BRPF3: variants seen among roughly 807,000 people sequenced by gnomAD.
The protein encoded by BRPF3 is bromodomain and PHD finger-containing protein 3.
In BRPF3, 18 loss-of-function variants were observed where a neutral mutation model predicts 102.0. The observed-to-expected ratio is 0.18, with a 90% CI of 0.12 to 0.26. The LOEUF is 0.26. BRPF3 is among the 10% of genes least tolerant of loss of function. BRPF3 has a pLI of 1.00. For synonymous variants in BRPF3, 570 were observed against 614.2 expected (o/e 0.93, Z 1.06); for missense variants, 1,147 against 1,567.8 (o/e 0.73, Z 4.53).
chr6:36,203,362 A>G (rs1767786246), intron 2 of BRPF3, among the ~76,000 whole-genome samples: 1 of 152,236 alleles, frequency 6.6e-6, no homozygotes, highest in African/African-American at 2.4e-5. Context: ...GTGTCTGGCA[A>G]ATAGTAAGTG....
rs750454256 is a variant in BRPF3, at chr6:36,207,463, C to T, written c.1737+19C>T. The T allele has an allele frequency of 3.6e-5, 58 of 1,612,646 alleles. 1 individual carries two copies. The South Asian group carries it at 6.0e-4, about 17-fold the overall frequency. The stretch of plus-strand genomic sequence containing the variant: ...AGAGCAGGTAAGGAGGAGCCCCCAG[C>T]CCTAGGGCCCTAGTTCAAGGCCACT... On this transcript the variant is annotated intron_variant, in intron 4 of 12. Coordinates refer to ENST00000357641, the MANE Select transcript of BRPF3 (RefSeq NM_015695.3).
intron 9 of BRPF3, among the ~76,000 whole-genome samples, chr6:36,220,861 C>T (rs571041369): frequency 1.3e-5 from 2 of 152,300 alleles, no homozygotes; most frequent in South Asian, 2.1e-4. Flanking sequence ...TCTTAGCATA[C>T]GTTCCTGATA....
At position 36,200,226 on chromosome 6, in the gene BRPF3, T is replaced by C; in HGVS notation, c.-26-71T>C. ...AAAAGCCAGTCCTCTTGGTGGATGC[T>C]TGATCATATGGGAGGATGAATGGGT... On this transcript the variant is annotated intron_variant, in intron 1 of 12. Coordinates refer to ENST00000357641, the MANE Select transcript of BRPF3 (RefSeq NM_015695.3). This position sits in a 1 kb window ranked among gnomAD's most constrained non-coding sequence, Gnocchi z 5.3. 2 of 1,450,348 alleles carry C rather than the reference T, an allele frequency of 1.4e-6. No individual in the cohort carries two copies. Among genetic ancestry groups the C allele is most frequent in the Non-Finnish European group, 1.8e-6 (2 of 1,103,086 alleles). 89.8% of individuals were successfully genotyped at this position (1,450,348 alleles called of 1,614,324 possible).
chr6:36,203,481 G>T (rs1028101357), intron 2 of BRPF3, among the ~76,000 whole-genome samples: 3 of 152,226 alleles, frequency 2.0e-5, no homozygotes, highest in African/African-American at 7.2e-5. Context: ...TAGAGGGAGG[G>T]TGCTGCCTAC....
Position 36,201,711 on chromosome 6 carries a change from AGGC to A in BRPF3, c.1390_1392del (p.Gly464del). The A allele has an allele frequency of 6.2e-7, 1 of 1,613,934 alleles. No individual in the cohort carries two copies. The highest frequency in any genetic ancestry group is 1.6e-4 in the Middle Eastern group (1 of 6,062). The stretch of plus-strand genomic sequence containing the variant: ...AGATCAAGAAGGAGCCAGAGGAAGC[AGGC>A]CAAGACACACCCTCCACTCTCCCCA... On this transcript the variant is annotated inframe_deletion, in exon 2 of 13. Coordinates refer to ENST00000357641, the MANE Select transcript of BRPF3 (RefSeq NM_015695.3). The surrounding 1 kb of genome is among the most constrained non-coding windows in gnomAD (Gnocchi z 5.1).
chr6:36,208,690 C>T (rs1454355304), intron 4 of BRPF3, among the ~76,000 whole-genome samples: 1 of 152,196 alleles, frequency 6.6e-6, no homozygotes, highest in African/African-American at 2.4e-5. Context: ...CATGATCCCA[C>T]AGCTGAACTT....
rs1768890308 is a variant in BRPF3, at chr6:36,230,204, A to T, written c.3435-222A>T. 6.6e-6 allele frequency among the ~76,000 whole-genome samples: 1 copy of T among 151,942 alleles called. No individual in the cohort carries two copies. Among genetic ancestry groups the T allele is most frequent in the Admixed American group, 6.6e-5 (1 of 15,262 alleles). ...GGCCCAGAGAAGGACCTAGCTGCAA[A>T]ATTGATTCCATGCCATTCCCCCACC... On this transcript the variant is annotated intron_variant, in intron 12 of 12. Coordinates refer to ENST00000357641, the MANE Select transcript of BRPF3 (RefSeq NM_015695.3). This position sits in a 1 kb window ranked among gnomAD's most constrained non-coding sequence, Gnocchi z 5.4.
chr6:36,222,158 C>A lies in BRPF3; in HGVS notation c.3084-10C>A. 4 of 1,550,170 alleles carry A rather than the reference C, an allele frequency of 2.6e-6. No homozygotes were observed. Among genetic ancestry groups the A allele is most frequent in the Non-Finnish European group, 3.5e-6 (4 of 1,146,954 alleles). The stretch of plus-strand genomic sequence containing the variant: ...CTCATTTCACCCCTCTCTCCCTGCT[C>A]TGTGTGCAGTGGTCTGACGCCCCCC... On this transcript the variant is annotated splice_polypyrimidine_tract_variant and intron_variant, in intron 9 of 12. Transcript: ENST00000357641.
At chr6:36,224,089 C>T (rs549507014) in intron 10 of BRPF3, among the ~76,000 whole-genome samples, 112 of 152,268 alleles carry the variant, frequency 7.4e-4, no homozygotes, top group African/African-American at 2.6e-3. Flanking sequence ...GAGTTAAGCA[C>T]AGTAGCTCAT....
At chr6:36,222,291 T>A (rs2127295034) in intron 10 of BRPF3, 26 bp downstream of exon 10, 1 of 1,545,160 alleles carries the variant, frequency 6.5e-7, no homozygotes, top group Non-Finnish European at 8.7e-7. Context: ...CAGGCAGAAC[T>A]GAGGGGGCCA....
In BRPF3 at chr6:36,196,781, T is replaced by G. The variant is rs1009105773; in HGVS notation, c.-216T>G. ...GCAGCAGCGGCGGCTCCATTCCCCCTCCTCCCCCGGGAGCGGCGGCGGCGG... is the reference window on the plus strand; with the variant it reads ...GCAGCAGCGGCGGCTCCATTCCCCCGCCTCCCCCGGGAGCGGCGGCGGCGG... On this transcript the variant is annotated 5_prime_UTR_variant, in exon 1 of 13. Coordinates refer to ENST00000357641, the MANE Select transcript of BRPF3 (RefSeq NM_015695.3). The G allele has an allele frequency of 2.0e-5, 3 of 151,332 alleles. No individual in the cohort carries two copies. Among genetic ancestry groups the G allele is most frequent in the African/African-American group, 7.4e-5 (3 of 40,344 alleles). 9.4% of individuals were successfully genotyped at this position (151,332 alleles called of 1,614,324 possible).
intron 1 of BRPF3, chr6:36,197,306 G>T (rs952231456): frequency 1.3e-5 from 2 of 152,360 alleles, no homozygotes; most frequent in South Asian, 4.1e-4. Context: ...GGTCCCCTGG[G>T]TCCCTCTGAC....
rs1489944591 is a variant in BRPF3, at chr6:36,204,829, G to A, written c.1605+15G>A. On this transcript the variant is annotated intron_variant, in intron 3 of 12. Coordinates refer to ENST00000357641, the MANE Select transcript of BRPF3 (RefSeq NM_015695.3). ...ACGCTGAGCAGGTAGGTGCAGTGGT[G>A]ATTTGAGGCTGGTAGAGGGAGGTGG... The A allele has an allele frequency of 6.2e-7, 1 of 1,609,208 alleles. No homozygotes were observed. The highest frequency in any genetic ancestry group is 1.1e-5 in the South Asian group (1 of 90,980).
intron 9 of BRPF3, among the ~76,000 whole-genome samples, chr6:36,219,385 C>T (rs1768452439): frequency 6.6e-6 from 1 of 152,210 alleles, no homozygotes; most frequent in Non-Finnish European, 1.5e-5. Context: ...TGCTTCTAGC[C>T]TGGCCCTGGG....
Position 36,230,782 on chromosome 6 carries a change from TCTC to T in BRPF3, c.*176_*178del, listed in dbSNP as rs1768913965. On this transcript the variant is annotated 3_prime_UTR_variant, in exon 13 of 13. Coordinates refer to ENST00000357641, the MANE Select transcript of BRPF3 (RefSeq NM_015695.3). This position sits in a 1 kb window ranked among gnomAD's most constrained non-coding sequence, Gnocchi z 5.4. The stretch of plus-strand genomic sequence containing the variant: ...CCCCAGTTTTGACCAATCGCATGGT[TCTC>T]CTGGCAGGCCTGCTGTGTGCCAAAA... The T allele has an allele frequency of 3.7e-6, 3 of 821,542 alleles. No individual in the cohort carries two copies. The African/African-American group carries it at 5.2e-5, about 14-fold the overall frequency. 50.9% of individuals were successfully genotyped at this position (821,542 alleles called of 1,614,324 possible).
chr6:36,229,190 T>C (rs1050249298), intron 12 of BRPF3, 134 bp downstream of exon 12: 1 of 1,140,738 alleles, frequency 8.8e-7, no homozygotes. Flanking sequence ...GCAACAGGCC[T>C]GCACTTGGCA....
intron 3 of BRPF3, among the ~76,000 whole-genome samples, chr6:36,206,139 A>G (rs575392386): frequency 3.6e-4 from 55 of 152,320 alleles, no homozygotes; most frequent in African/African-American, 1.3e-3. Context: ...AATCTCAGCA[A>G]TAGCTTTCTA....
chr6:36,209,152 T>A (rs1265255482), intron 4 of BRPF3, among the ~76,000 whole-genome samples: 1 of 152,248 alleles, frequency 6.6e-6, no homozygotes, highest in Non-Finnish European at 1.5e-5. Context: ...TACATTTTTT[T>A]AATTTGTATT....
chr6:36,214,754 C>G lies in BRPF3; in HGVS notation c.2989+368C>G, dbSNP rs190617840. Among the ~76,000 whole-genome samples, 606 of 152,264 alleles carry G rather than the reference C, an allele frequency of 4.0e-3. 1 individual carries two copies. The highest frequency in any genetic ancestry group is 7.4e-3 in the Non-Finnish European group (504 of 68,012). On this transcript the variant is annotated intron_variant, in intron 8 of 12. Coordinates refer to ENST00000357641, the MANE Select transcript of BRPF3 (RefSeq NM_015695.3). Reference sequence around the variant, plus strand: ...TGAGCAAAACAGACAAAAATCTGCTCTCTTATGGGGGAATATATTAAAAGC... The same window carrying G: ...TGAGCAAAACAGACAAAAATCTGCTGTCTTATGGGGGAATATATTAAAAGC...
Sources: gnomAD v4.1 joint callset for allele counts (sites outside exome capture counted in the v4.1 genomes callset) on GRCh38, gnomAD v4.1.1 for gene constraint, Gnocchi (gnomAD v3.1) non-coding constraint, MANE v1.5 for transcripts, NCBI Gene and HGNC (gene_info 2026-07-23, HGNC 2026-07-21) for gene names.